Variants in GABRB1 observed in about 807,000 individuals in gnomAD.
GABRB1 encodes the protein gamma-aminobutyric acid receptor subunit beta-1.
GABRB1 carries 17 observed loss-of-function variants against 51.6 expected under a neutral mutation model. The ratio of observed to expected loss-of-function variants is 0.33; its 90% CI spans 0.23 to 0.49. GABRB1 has a LOEUF of 0.49. Among genes scored for constraint, GABRB1 ranks in the 20% least tolerant of loss-of-function variants. The pLI is 0.99. For synonymous variants in GABRB1, 247 were observed against 218.9 expected (o/e 1.13, Z -1.14); for missense variants, 410 against 600.6 (o/e 0.68, Z 3.32).
chr4:47,057,061 C>T (rs938058659), intron 3 of GABRB1, among the ~76,000 whole-genome samples: 13 of 152,222 alleles, frequency 8.5e-5, no homozygotes, highest in Non-Finnish European at 1.6e-4. Flanking sequence ...GCCGAGATCA[C>T]GCCGCTGCAC....
chr4:47,315,984 T>C (rs1369940868), intron 4 of GABRB1, among the ~76,000 whole-genome samples: 1 of 151,778 alleles, frequency 6.6e-6, no homozygotes, highest in Non-Finnish European at 1.5e-5. Context: ...CAAATCCCTG[T>C]AACATGCAAT....
chr4:47,022,322 T>G (rs1248721987), intron 1 of GABRB1, among the ~76,000 whole-genome samples: 1 of 152,084 alleles, frequency 6.6e-6, no homozygotes, highest in Non-Finnish European at 1.5e-5. Flanking sequence ...CCAACACAAT[T>G]GAATGTTAGT....
chr4:47,180,802 T>G (rs1358316503), intron 4 of GABRB1, among the ~76,000 whole-genome samples: 1 of 152,082 alleles, frequency 6.6e-6, no homozygotes, highest in Non-Finnish European at 1.5e-5. Context: ...TTTGGATTAA[T>G]GAATGAAGCT....
At chr4:47,038,675 T>C (rs922465444) in intron 3 of GABRB1, among the ~76,000 whole-genome samples, 1 of 152,206 alleles carries the variant, frequency 6.6e-6, no homozygotes, top group African/African-American at 2.4e-5. Flanking sequence ...ATTCTTTAAG[T>C]TTCTGATGAT....
Position 47,425,677 on chromosome 4 carries a change from G to C in GABRB1, c.1084G>C (p.Asp362His). 1 of 1,592,164 alleles carries C rather than the reference G, an allele frequency of 6.3e-7. No homozygotes were observed. Among genetic ancestry groups the C allele is most frequent in the Non-Finnish European group, 8.6e-7 (1 of 1,168,232 alleles). ...AGCCTGTTCTTTTTGCCATCAGGTC[G>C]ACGCCCACGGTAACATTCTCCTCAG... is the stretch of plus-strand genomic sequence containing the variant. ...NKLEMNKVQV[D>H]AHGNILLSTL... is the part of the protein sequence containing the mutation. The change falls in exon 9 of 9, where the codon GAC becomes CAC. Residue 362 changes from aspartate to histidine, a missense_variant. Asp to His is a moderately conservative substitution (Grantham distance 81). Transcript: ENST00000295454.
At chr4:47,414,023 A>C (rs1398708370) in intron 8 of GABRB1, among the ~76,000 whole-genome samples, 3 of 152,202 alleles carry the variant, frequency 2.0e-5, no homozygotes, top group Non-Finnish European at 4.4e-5. Context: ...GAACTTTTTC[A>C]GTTATATATT....
intron 4 of GABRB1, among the ~76,000 whole-genome samples, chr4:47,299,815 C>T (rs2109936113): frequency 6.6e-6 from 1 of 152,072 alleles, no homozygotes; most frequent in African/African-American, 2.4e-5. Flanking sequence ...GCACTATTCA[C>T]AATAGCAAAG....
intron 5 of GABRB1, among the ~76,000 whole-genome samples, chr4:47,323,562 T>C (rs1043610426): frequency 6.6e-6 from 1 of 152,138 alleles, no homozygotes; most frequent in African/African-American, 2.4e-5. Flanking sequence ...AGCCTTAAAG[T>C]GATTACAAAT....
intron 3 of GABRB1, among the ~76,000 whole-genome samples, chr4:47,073,333 T>C (rs1382632815): frequency 2.0e-5 from 3 of 152,244 alleles, no homozygotes; most frequent in East Asian, 3.8e-4. Context: ...TTGTTTTCCT[T>C]AATTAGAAAC....
At chr4:47,352,375 CAATCAATAG>C (rs1348875500) in intron 5 of GABRB1, among the ~76,000 whole-genome samples, 5 of 152,192 alleles carry the variant, frequency 3.3e-5, no homozygotes, top group African/African-American at 9.6e-5. Context: ...GAAACTATTC[CAATCAATAG>C]AAAAAGAGAG....
chr4:47,200,632 G>T (rs1289764413), intron 4 of GABRB1, among the ~76,000 whole-genome samples: 3 of 151,926 alleles, frequency 2.0e-5, no homozygotes, highest in Non-Finnish European at 4.4e-5. Context: ...AATAATAAAG[G>T]CACCACCCTT....
intron 5 of GABRB1, 94 bp downstream of exon 5, chr4:47,320,303 C>T (rs1490647086): frequency 5.0e-6 from 4 of 807,828 alleles, no homozygotes; most frequent in Non-Finnish European, 8.6e-6. Flanking sequence ...CCAGGATTTT[C>T]TAGCTGCGCT....
At chr4:47,218,878 T>C (rs1720657599) in intron 4 of GABRB1, among the ~76,000 whole-genome samples, 2 of 151,866 alleles carry the variant, frequency 1.3e-5, no homozygotes, top group African/African-American at 2.4e-5. Flanking sequence ...TGAAATAATA[T>C]GTGGTTTCTA....
intron 5 of GABRB1, among the ~76,000 whole-genome samples, chr4:47,378,170 G>A (rs1419243102): frequency 1.3e-5 from 2 of 152,228 alleles, no homozygotes; most frequent in Admixed American, 6.5e-5. Context: ...CAGGCATGGC[G>A]GGCTGCAGGT....
chr4:47,163,595 C>A (rs951604504), intron 4 of GABRB1, among the ~76,000 whole-genome samples: 3 of 151,936 alleles, frequency 2.0e-5, no homozygotes, highest in African/African-American at 7.2e-5. Context: ...GTGCTATATT[C>A]ATGATTTGGG....
chr4:47,226,214 T>G (rs1014030379), intron 4 of GABRB1, among the ~76,000 whole-genome samples: 44 of 152,164 alleles, frequency 2.9e-4, no homozygotes, highest in Admixed American at 5.2e-4. Flanking sequence ...CAAATTGAAA[T>G]GAACACTGTG....
chr4:47,262,521 G>A (rs935476318), intron 4 of GABRB1, among the ~76,000 whole-genome samples: 21 of 152,106 alleles, frequency 1.4e-4, no homozygotes, highest in African/African-American at 3.6e-4. Flanking sequence ...TTAGAATGGC[G>A]ATCATTAAAA....
intron 4 of GABRB1, among the ~76,000 whole-genome samples, chr4:47,188,694 T>C (rs547337490): frequency 6.6e-6 from 1 of 152,116 alleles, no homozygotes; most frequent in Non-Finnish European, 1.5e-5. Context: ...AATAAGTATA[T>C]TATGGAATCA....
At chr4:47,196,602 C>A (rs1345182453) in intron 4 of GABRB1, among the ~76,000 whole-genome samples, 1 of 152,138 alleles carries the variant, frequency 6.6e-6, no homozygotes, top group Non-Finnish European at 1.5e-5. Context: ...TATGGCTCAC[C>A]AAAGGACAGA....
Sources: gnomAD v4.1 joint callset for allele counts (sites outside exome capture counted in the v4.1 genomes callset) on GRCh38, gnomAD v4.1.1 for gene constraint, MANE v1.5 for transcripts, NCBI Gene and HGNC (gene_info 2026-07-23, HGNC 2026-07-21) for gene names.